Variants in LRRC34 observed in about 807,000 individuals in gnomAD.
The protein encoded by LRRC34 is leucine-rich repeat-containing protein 34.
A neutral mutation model predicts 48.5 loss-of-function variants in LRRC34; 44 were observed. That is an observed-to-expected ratio of 0.91 (90% CI 0.71 to 1.17). The LOEUF (loss-of-function observed/expected upper bound fraction) is 1.17, where lower values mean the gene tolerates loss of function less well. Ranked by LOEUF, LRRC34 falls within the 50% of genes most tolerant of loss-of-function variation. The probability of loss-of-function intolerance (pLI) is 0.00; values close to 1 mark genes in which losing one functional copy is unlikely to be tolerated. For missense variants in LRRC34, 502 were observed against 563.0 expected (o/e 0.89, Z 1.10); for synonymous variants, 192 against 197.6 (o/e 0.97, Z 0.24).
At position 169,793,140 on chromosome 3, in the gene LRRC34, T is replaced by C. The variant is rs1169401739; in HGVS notation, c.*495A>G. 2.6e-5 allele frequency among the ~76,000 whole-genome samples: 4 copies of C among 152,158 alleles called. No homozygotes were observed. The highest frequency in any genetic ancestry group is 4.4e-5 in the Non-Finnish European group (3 of 68,032). On this transcript the variant is annotated 3_prime_UTR_variant, in exon 11 of 11. Coordinates refer to ENST00000446859, the MANE Select transcript of LRRC34 (RefSeq NM_001172779.2). The stretch of plus-strand genomic sequence containing the variant: ...ACTGGCTTGTTGGGAAAGGGGTATG[T>C]ATATGTTTATATATATTTGCCTGTA...
rs1227390313 is a variant in LRRC34, at chr3:169,812,521, C to T, written c.28G>A (p.Gly10Ser). 5 of 1,513,300 alleles carry T rather than the reference C, an allele frequency of 3.3e-6. No individual in the cohort carries two copies. In the African/African-American group the frequency reaches 4.3e-5, roughly 13 times the overall value. 93.7% of individuals were successfully genotyped at this position (1,513,300 alleles called of 1,614,324 possible). The change falls in exon 1 of 11, where the codon GGT becomes AGT. Residue 10 changes from glycine to serine, a missense_variant. Gly to Ser is a moderately conservative substitution (Grantham distance 56). Transcript: ENST00000446859. This position sits in a 1 kb window ranked among gnomAD's most constrained non-coding sequence, Gnocchi z 4.3. ...CGGGAGCTCCCCATGCTCCTCTCAC[C>T]CACTGGCCGCGGCGGCTGCGCTGCC... MAAQPPRPV[G>S]ERSMGSSREA... is the part of the protein sequence containing the mutation.
chr3:169,810,613 G>A lies in LRRC34; in HGVS notation c.139+1797C>T, dbSNP rs74654814. On this transcript the variant is annotated intron_variant, in intron 1 of 10. Transcript: ENST00000446859. ...TTTGTGGAATATGCATGTTCTACAG[G>A]ATGATCAAAGGTGTTCCAAATAGAA... 8.1e-3 allele frequency among the ~76,000 whole-genome samples: 1,239 copies of A among 152,284 alleles called. 44 individuals are homozygous for A. The East Asian group carries it at 0.11, about 13-fold the overall frequency.
intron 6 of LRRC34, among the ~76,000 whole-genome samples, 180 bp from the exon 7 acceptor site, chr3:169,800,934 C>T (rs2108231710): frequency 6.6e-6 from 1 of 152,290 alleles, no homozygotes; most frequent in Non-Finnish European, 1.5e-5. Flanking sequence ...ATTCTTCTCT[C>T]CTGGCCCTAA....
intron 10 of LRRC34, chr3:169,794,357 C>A (rs7621631): frequency 0.21 from 32,398 of 152,282 alleles, 4,482 homozygotes; most frequent in East Asian, 0.57. Flanking sequence ...CTAAAACAGA[C>A]AATTCCATAG....
intron 9 of LRRC34, chr3:169,795,913 AC>A: frequency 8.6e-7 from 1 of 1,159,074 alleles, no homozygotes; most frequent in Non-Finnish European, 1.1e-6. Context: ...GTTCATTCTT[AC>A]TTTTAAAAGT....
At position 169,803,759 on chromosome 3, in the gene LRRC34, T is replaced by C. The variant is rs58683657; in HGVS notation, c.657+294A>G. 7.5e-3 allele frequency among the ~76,000 whole-genome samples: 1,149 copies of C among 152,350 alleles called. 16 individuals are homozygous for C. Among genetic ancestry groups the C allele is most frequent in the African/African-American group, 0.026 (1,087 of 41,572 alleles). On this transcript the variant is annotated intron_variant, in intron 6 of 10. Transcript: ENST00000446859. ...GTATTTTCAAAAGTAAAAAATTATA[T>C]GAATAAAGTAATATTTGTTTAATTA...
chr3:169,809,249 A>G (rs113289489), intron 1 of LRRC34, among the ~76,000 whole-genome samples: 2,115 of 148,194 alleles, frequency 0.014, 18 homozygotes, highest in Middle Eastern at 0.018. Context: ...CCACGAGAGG[A>G]AAAGGTTTCT....
At chr3:169,796,971 G>C in intron 7 of LRRC34, 72 bp from the exon 8 acceptor site, 1 of 1,177,854 alleles carries the variant, frequency 8.5e-7, no homozygotes, top group Non-Finnish European at 1.1e-6. Context: ...GACATATGCT[G>C]TTATTTAAAT....
In LRRC34 at chr3:169,807,443, C is replaced by T; in HGVS notation, c.427G>A (p.Ala143Thr). ...AATAATACCTGAAGCAGTTTCGCAG[C>T]ATAGTATGCACCAACATCACATAGA... ...NLLCDVGAYY[A>T]AKLLQKQLNL... The change falls in exon 4 of 11, where the codon GCT becomes ACT. Residue 143 changes from alanine (A) to threonine (T), a missense_variant. Transcript: ENST00000446859. 1.2e-6 allele frequency: 2 copies of T among 1,613,918 alleles called. No individual in the cohort carries two copies. Among genetic ancestry groups the T allele is most frequent in the Non-Finnish European group, 1.7e-6 (2 of 1,179,920 alleles).
chr3:169,809,555 G>GA (rs1293945761), intron 1 of LRRC34, among the ~76,000 whole-genome samples: 1 of 152,200 alleles, frequency 6.6e-6, no homozygotes, highest in African/African-American at 2.4e-5. Context: ...TGACCTTGCT[G>GA]TTCTCAGTAA....
intron 1 of LRRC34, among the ~76,000 whole-genome samples, chr3:169,810,502 TGTAC>T (rs1277398024): frequency 6.6e-6 from 1 of 151,964 alleles, no homozygotes; most frequent in East Asian, 1.9e-4. Flanking sequence ...TGTGGATAGA[TGTAC>T]GTATTAAAAA....
chr3:169,800,641 A>T lies in LRRC34; in HGVS notation c.753+18T>A, dbSNP rs1779154224. On this transcript the variant is annotated intron_variant, in intron 7 of 10. Transcript: ENST00000446859. ...TATTCATGTTGTTATATTAACTACC[A>T]TCACTTTGAATACATACCTGTTCAC... The T allele has an allele frequency of 6.9e-7, 1 of 1,440,158 alleles. No homozygotes were observed. Among genetic ancestry groups the T allele is most frequent in the Non-Finnish European group, 9.4e-7 (1 of 1,069,030 alleles). 89.2% of individuals were successfully genotyped at this position (1,440,158 alleles called of 1,614,324 possible).
rs548409875 is a variant in LRRC34, at chr3:169,801,705, A to C, written c.658-951T>G. Among the ~76,000 whole-genome samples, 212 of 152,216 alleles carry C rather than the reference A, an allele frequency of 1.4e-3. 1 individual carries two copies. The highest frequency in any genetic ancestry group is 4.9e-3 in the African/African-American group (205 of 41,528). ...TAACTTTGTCTGCTCAGCCATTCTG[A>C]CTTCTCAGTTCTTAAAACCTGTGAC... On this transcript the variant is annotated intron_variant, in intron 6 of 10. Transcript: ENST00000446859.
chr3:169,802,797 A>T (rs1436843114), intron 6 of LRRC34, among the ~76,000 whole-genome samples: 1 of 151,196 alleles, frequency 6.6e-6, no homozygotes, highest in African/African-American at 2.4e-5. Context: ...ACATCATGAA[A>T]CCCCGTCTCT....
At position 169,793,098 on chromosome 3, in the gene LRRC34, G is replaced by A. The variant is rs1778852361; in HGVS notation, c.*537C>T. Among the ~76,000 whole-genome samples, 1 of 152,200 alleles carries A rather than the reference G, an allele frequency of 6.6e-6. No homozygotes were observed. Among genetic ancestry groups the A allele is most frequent in the Non-Finnish European group, 1.5e-5 (1 of 68,034 alleles). On this transcript the variant is annotated 3_prime_UTR_variant, in exon 11 of 11. Transcript: ENST00000446859. The stretch of plus-strand genomic sequence containing the variant: ...TCAGGATAGTGGTTATGAGAGGAGA[G>A]TGGGAGAGCTGGCAGCACTGGCTTG...
chr3:169,793,556 AAAAGAAAATAGGCTATAG>A lies in LRRC34; in HGVS notation c.*61_*78del. Reference sequence around the variant, plus strand: ...AAAAAAGTAACTTGTTTTAATTTATAAAAGAAAATAGGCTATAGAATATTAATCTCTGTGAAACAATAA... The same window carrying A: ...AAAAAAGTAACTTGTTTTAATTTATAAATATTAATCTCTGTGAAACAATAA... On this transcript the variant is annotated 3_prime_UTR_variant, in exon 11 of 11. Coordinates refer to ENST00000446859, the MANE Select transcript of LRRC34 (RefSeq NM_001172779.2). The A allele has an allele frequency of 9.8e-7, 1 of 1,023,390 alleles. No individual in the cohort carries two copies. Among genetic ancestry groups the A allele is most frequent in the South Asian group, 1.9e-5 (1 of 53,650 alleles). 63.4% of individuals were successfully genotyped at this position (1,023,390 alleles called of 1,614,324 possible).
chr3:169,800,145 G>A (rs1464000225), intron 7 of LRRC34, among the ~76,000 whole-genome samples: 1 of 152,100 alleles, frequency 6.6e-6, no homozygotes, highest in Non-Finnish European at 1.5e-5. Flanking sequence ...CAAGTGATAG[G>A]AGAAGAAAGC....
Position 169,807,717 on chromosome 3 carries a change from A to G in LRRC34, c.258-8T>C. The G allele has an allele frequency of 6.6e-7, 1 of 1,518,116 alleles. No homozygotes were observed. 94.0% of individuals were successfully genotyped at this position (1,518,116 alleles called of 1,614,324 possible). A position where few individuals can be genotyped will look rare whatever the true frequency, so the allele number is the denominator to read the frequency against. On this transcript the variant is annotated splice_polypyrimidine_tract_variant and splice_region_variant and intron_variant, in intron 2 of 10. Coordinates refer to ENST00000446859, the MANE Select transcript of LRRC34 (RefSeq NM_001172779.2). ...GTGATTCCTGCTGCTAGCCTGTTAA[A>G]ATACAAAAAAAAAAAAAAAAAAAAA...
At chr3:169,804,329 T>C (rs1779300935) in intron 5 of LRRC34, 148 bp from the exon 6 acceptor site, 1 of 588,382 alleles carries the variant, frequency 1.7e-6, no homozygotes, top group African/African-American at 1.9e-5. Flanking sequence ...AGAGTCTCGC[T>C]CTGTCGCCCA....
Sources: gnomAD v4.1 joint callset for allele counts (sites outside exome capture counted in the v4.1 genomes callset) on GRCh38, gnomAD v4.1.1 for gene constraint, Gnocchi (gnomAD v3.1) non-coding constraint, MANE v1.5 for transcripts, NCBI Gene and HGNC (gene_info 2026-07-23, HGNC 2026-07-21) for gene names.